The following OR10H5 variants were observed in gnomAD, a reference collection of about 807,000 sequenced individuals.
The protein encoded by OR10H5 is olfactory receptor 10H5.
OR10H5 carries 7 observed loss-of-function variants against 12.2 expected under a neutral mutation model. The observed-to-expected ratio is 0.57, with a 90% CI of 0.33 to 1.07. OR10H5 has a LOEUF of 1.07. OR10H5 is among the 50% of genes least tolerant of loss of function. The probability of loss-of-function intolerance (pLI) is 0.04; values close to 1 mark genes in which losing one functional copy is unlikely to be tolerated. For missense variants in OR10H5, 346 were observed against 411.6 expected, an observed-to-expected ratio of 0.84 and a Z score of 1.38; for synonymous variants, 159 against 175.1, an observed-to-expected ratio of 0.91 and a Z score of 0.73.
At chr19:15,793,507 C>G (rs2088818561) in intron 1 of OR10H5, among the ~76,000 whole-genome samples, 1 of 152,004 alleles carries the variant, frequency 6.6e-6, no homozygotes, top group African/African-American at 2.4e-5. Flanking sequence ...CAGGTGACCC[C>G]CCTCTGCCTC....
chr19:15,793,989 C>A lies in OR10H5; in HGVS notation c.-11-49C>A, dbSNP rs1481972750. 4.0e-6 allele frequency: 6 copies of A among 1,511,700 alleles called. No individual in the cohort carries two copies. The South Asian group carries it at 5.0e-5, about 12-fold the overall frequency. 93.6% of individuals were successfully genotyped at this position (1,511,700 alleles called of 1,614,324 possible). A position where few individuals can be genotyped will look rare whatever the true frequency, so the allele number is the denominator to read the frequency against. On this transcript the variant is annotated intron_variant, in intron 1 of 1. Coordinates refer to ENST00000642092, the MANE Select transcript of OR10H5 (RefSeq NM_001004466.2). ...CCTCCCAGGTGGGAGTCACTAGACA[C>A]CCCTGTGCTCCTAACCACTGGGTCT...
At chr19:15,789,767 CT>C (rs1046461378) in intron 1 of OR10H5, among the ~76,000 whole-genome samples, 2 of 137,676 alleles carry the variant, frequency 1.5e-5, no homozygotes, top group African/African-American at 5.4e-5. Context: ...TTTCTCTTTT[CT>C]TTTTTTTCTT....
chr19:15,790,412 G>A (rs1407598195), intron 1 of OR10H5, among the ~76,000 whole-genome samples: 1 of 152,196 alleles, frequency 6.6e-6, no homozygotes, highest in African/African-American at 2.4e-5. Context: ...CCGTCGCCCA[G>A]GGAACCCCCA....
intron 1 of OR10H5, among the ~76,000 whole-genome samples, chr19:15,792,981 C>A (rs1393585066): frequency 6.6e-6 from 1 of 152,072 alleles, no homozygotes; most frequent in African/African-American, 2.4e-5. Flanking sequence ...GAATAGAGAC[C>A]ACCGAGATTT....
In OR10H5 at chr19:15,794,194, T is replaced by C; in HGVS notation, c.146T>C (p.Val49Ala). The C allele has an allele frequency of 6.2e-7, 1 of 1,614,168 alleles. No individual in the cohort carries two copies. Among genetic ancestry groups the C allele is most frequent in the Non-Finnish European group, 8.5e-7 (1 of 1,180,022 alleles). The change falls in exon 2 of 2, where the codon GTC becomes GCC. Residue 49 changes from valine to alanine, a missense_variant. Val to Ala is a moderately conservative substitution (Grantham distance 64, BLOSUM62 0). Coordinates refer to ENST00000642092, the MANE Select transcript of OR10H5 (RefSeq NM_001004466.2). ...LLGNLLIMAT[V>A]WSERSLHMPM... is the part of the protein sequence containing the mutation. ...GGCAACCTGCTCATCATGGCCACTGTCTGGAGCGAGCGCAGCCTCCACATG... is the reference window on the plus strand; with the variant it reads ...GGCAACCTGCTCATCATGGCCACTGCCTGGAGCGAGCGCAGCCTCCACATG...
intron 1 of OR10H5, among the ~76,000 whole-genome samples, chr19:15,790,079 G>A (rs1040458875): frequency 4.6e-5 from 7 of 152,152 alleles, no homozygotes; most frequent in African/African-American, 1.7e-4. Context: ...GAGCCACTGG[G>A]CATGGCCCCT....
rs568047887 is a variant in OR10H5 at position 15,794,348 on chromosome 19, G to C, written c.300G>C (p.Gln100His). 70 of 1,614,168 alleles carry C rather than the reference G, an allele frequency of 4.3e-5. 1 individual carries two copies. In the Admixed American group the frequency reaches 1.1e-3, roughly 27 times the overall value. The stretch of plus-strand genomic sequence containing the variant: ...TCGCCTTCCTGGCCTGTGCCAGTCA[G>C]ATGTTCTTCTCCTTCAGCTTCGGCT... ...RSIAFLACAS[Q>H]MFFSFSFGFT... Residue 100 changes from glutamine (Q) to histidine (H), a missense_variant, in exon 2 of 2, where the codon CAG (glutamine) becomes CAC (histidine). By Grantham distance (24) the Gln-to-His change is conservative. Transcript: ENST00000642092.
chr19:15,791,599 A>T (rs576444236), intron 1 of OR10H5, among the ~76,000 whole-genome samples: 1 of 152,076 alleles, frequency 6.6e-6, no homozygotes, highest in African/African-American at 2.4e-5. Context: ...CCCATTTATC[A>T]TCATGTCTCA....
At chr19:15,793,804 A>G (rs1181040447) in intron 1 of OR10H5, 14 of 454,974 alleles carry the variant, frequency 3.1e-5, no homozygotes, top group Non-Finnish European at 4.7e-5. Flanking sequence ...ACTTGAACCC[A>G]GGAGGCAGAG....
At chr19:15,788,765 G>A (rs913364193) in intron 1 of OR10H5, among the ~76,000 whole-genome samples, 2 of 152,120 alleles carry the variant, frequency 1.3e-5, no homozygotes, top group Non-Finnish European at 2.9e-5. Context: ...CCACAGTGCT[G>A]GGATTATAGG....
At chr19:15,789,744 A>G (rs892369924) in intron 1 of OR10H5, among the ~76,000 whole-genome samples, 1 of 149,392 alleles carries the variant, frequency 6.7e-6, no homozygotes, top group African/African-American at 2.5e-5. Context: ...GAGCTGAGAG[A>G]GCCCTTTCTG....
At position 15,794,841 on chromosome 19, in the gene OR10H5, G is replaced by A. The variant is rs563177118; in HGVS notation, c.793G>A (p.Gly265Ser). The A allele has an allele frequency of 2.2e-4, 359 of 1,614,014 alleles. 2 individuals are homozygous for A. In the South Asian group the frequency reaches 3.0e-3, roughly 14 times the overall value. Residue 265 changes from glycine to serine, a missense_variant, in exon 2 of 2, where the codon GGT becomes AGT. By Grantham distance (56) the Gly-to-Ser change is moderately conservative. Coordinates refer to ENST00000642092, the MANE Select transcript of OR10H5 (RefSeq NM_001004466.2). The part of the protein sequence containing the change: ...FASVIYLKPK[G>S]PQSPEGDTLM... ...CTCCGTCATTTACCTGAAGCCCAAA[G>A]GTCCCCAGTCTCCGGAAGGAGACAC...
intron 1 of OR10H5, among the ~76,000 whole-genome samples, chr19:15,788,602 G>GCA (rs2088795119): frequency 6.6e-6 from 1 of 152,084 alleles, no homozygotes; most frequent in African/African-American, 2.4e-5. Flanking sequence ...AGGCTCAACT[G>GCA]ATCCTCCCAC....
At chr19:15,793,006 T>C (rs1161363044) in intron 1 of OR10H5, among the ~76,000 whole-genome samples, 2 of 152,318 alleles carry the variant, frequency 1.3e-5, no homozygotes, top group African/African-American at 2.4e-5. Context: ...ATAGGAATAA[T>C]AATTATTATT....
chr19:15,788,100 T>A (rs2088791454), intron 1 of OR10H5, among the ~76,000 whole-genome samples: 1 of 152,152 alleles, frequency 6.6e-6, no homozygotes, highest in South Asian at 2.1e-4. Context: ...CATGTGGGTG[T>A]ACTTAGGCAT....
At chr19:15,790,695 G>C (rs909317450) in intron 1 of OR10H5, among the ~76,000 whole-genome samples, 1 of 152,124 alleles carries the variant, frequency 6.6e-6, no homozygotes, top group Non-Finnish European at 1.5e-5. Flanking sequence ...AGGGAGTTGA[G>C]GCTATGCTGC....
At position 15,798,113 on chromosome 19, in the gene OR10H5, C is replaced by T. The variant is rs1352454981; in HGVS notation, c.*3117C>T. 1 of 150,556 alleles carries T rather than the reference C, an allele frequency of 6.6e-6. No individual in the cohort carries two copies. The highest frequency in any genetic ancestry group is 1.5e-5 in the Non-Finnish European group (1 of 67,848). 9.3% of individuals were successfully genotyped at this position (150,556 alleles called of 1,614,324 possible). A position where few individuals can be genotyped will look rare whatever the true frequency, so the allele number is the denominator to read the frequency against. The stretch of plus-strand genomic sequence containing the variant: ...TGATTGCTGAATTTTTTGATGGCCC[C>T]TTACATTGGGTGCTCAAAGTGACTG... On this transcript the variant is annotated 3_prime_UTR_variant, in exon 2 of 2. Coordinates refer to ENST00000642092, the MANE Select transcript of OR10H5 (RefSeq NM_001004466.2).
chr19:15,788,565 C>A (rs1183300140), intron 1 of OR10H5, among the ~76,000 whole-genome samples: 1 of 152,124 alleles, frequency 6.6e-6, no homozygotes, highest in African/African-American at 2.4e-5. Context: ...GTGGCACGAT[C>A]ACAGCTCACT....
Position 15,793,151 on chromosome 19 carries a change from G to A in OR10H5, c.-11-887G>A, listed in dbSNP as rs541108855. On this transcript the variant is annotated intron_variant, in intron 1 of 1. Coordinates refer to ENST00000642092, the MANE Select transcript of OR10H5 (RefSeq NM_001004466.2). ...TTTTTGTTTTATGAGATAGCATCTCGCTCTATCACCCAGGCTGAAGTGCAG... is the reference window on the plus strand; with the variant it reads ...TTTTTGTTTTATGAGATAGCATCTCACTCTATCACCCAGGCTGAAGTGCAG... Among the ~76,000 whole-genome samples the A allele has an allele frequency of 7.9e-5, 12 of 151,918 alleles. 1 individual carries two copies. In the South Asian group the frequency reaches 2.1e-3, roughly 26 times the overall value.
Sources: allele counts gnomAD v4.1 joint callset (sites outside exome capture counted in the v4.1 genomes callset), GRCh38; gene constraint gnomAD v4.1.1; transcripts MANE v1.5; gene names NCBI Gene and HGNC (gene_info 2026-07-23, HGNC 2026-07-21).